DDX10: variants seen among roughly 807,000 people sequenced by gnomAD.
The protein encoded by DDX10 is probable ATP-dependent RNA helicase DDX10.
A neutral mutation model predicts 104.3 loss-of-function variants in DDX10; 74 were observed. The ratio of observed to expected loss-of-function variants is 0.71; its 90% confidence interval spans 0.59 to 0.86. The LOEUF is 0.86. Ranked by LOEUF, DDX10 falls within the 40% of genes least tolerant of loss-of-function variation. The pLI is 0.00. For synonymous variants in DDX10, 351 were observed against 353.4 expected, an observed-to-expected ratio of 0.99 and a Z score of 0.08; for missense variants, 952 against 1,040.0, an observed-to-expected ratio of 0.92 and a Z score of 1.16.
chr11:108,748,773 T>C (rs1419702886), intron 13 of DDX10, among the ~76,000 whole-genome samples: 1 of 152,144 alleles, frequency 6.6e-6, no homozygotes, highest in Non-Finnish European at 1.5e-5. Context: ...CATGAACTCC[T>C]GAGCTCAAGT....
chr11:108,836,609 CCT>C (rs1862558751), intron 13 of DDX10, among the ~76,000 whole-genome samples: 2 of 152,142 alleles, frequency 1.3e-5, no homozygotes, highest in Non-Finnish European at 2.9e-5. Context: ...GCCTCAGCCT[CCT>C]GAGTAGCTGG....
At chr11:108,894,657 A>T (rs1429736038) in intron 16 of DDX10, among the ~76,000 whole-genome samples, 1 of 152,058 alleles carries the variant, frequency 6.6e-6, no homozygotes, top group Non-Finnish European at 1.5e-5. Context: ...AAGTCAATAG[A>T]ATTCAAAATG....
At chr11:108,722,645 G>A (rs2094299696) in intron 12 of DDX10, among the ~76,000 whole-genome samples, 1 of 152,150 alleles carries the variant, frequency 6.6e-6, no homozygotes, top group African/African-American at 2.4e-5. Context: ...GTTAGGCCTG[G>A]CAGGTACTGT....
chr11:108,722,871 T>C, intron 12 of DDX10, 126 bp from the exon 13 acceptor site: 2 of 1,386,594 alleles, frequency 1.4e-6, no homozygotes, highest in Non-Finnish European at 1.9e-6. Context: ...TATTGAGTTG[T>C]ATCTCACAGG....
At chr11:108,812,880 G>A (rs1222851750) in intron 13 of DDX10, among the ~76,000 whole-genome samples, 1 of 149,376 alleles carries the variant, frequency 6.7e-6, no homozygotes, top group African/African-American at 2.5e-5. Flanking sequence ...TACTCAGGAG[G>A]CTGAGGCAGG....
At chr11:108,893,779 T>C (rs1863406101) in intron 16 of DDX10, among the ~76,000 whole-genome samples, 1 of 152,082 alleles carries the variant, frequency 6.6e-6, no homozygotes, top group African/African-American at 2.4e-5. Flanking sequence ...GGAGCATTGA[T>C]TGCTAAACAG....
At chr11:108,777,878 C>G (rs1362958668) in intron 13 of DDX10, among the ~76,000 whole-genome samples, 1 of 152,174 alleles carries the variant, frequency 6.6e-6, no homozygotes, top group Non-Finnish European at 1.5e-5. Context: ...GCAAAAATCA[C>G]AAGCATTCCT....
chr11:108,905,370 T>C (rs1863581850), intron 16 of DDX10, among the ~76,000 whole-genome samples: 1 of 48,452 alleles, frequency 2.1e-5, no homozygotes, highest in Non-Finnish European at 4.7e-5. Context: ...TTCCTCTATA[T>C]ATGTTTTTTA....
chr11:108,687,270 CT>C (rs1291752236), intron 6 of DDX10, among the ~76,000 whole-genome samples: 1 of 152,096 alleles, frequency 6.6e-6, no homozygotes, highest in Non-Finnish European at 1.5e-5. Flanking sequence ...TTTTAATTAA[CT>C]TTTGCCTGTT....
At chr11:108,788,673 A>AT (rs1861829376) in intron 13 of DDX10, among the ~76,000 whole-genome samples, 1 of 152,160 alleles carries the variant, frequency 6.6e-6, no homozygotes, top group Non-Finnish European at 1.5e-5. Context: ...CTGTAGCTAG[A>AT]TTTTTAAAAG....
chr11:108,895,085 T>G (rs1398702766), intron 16 of DDX10, among the ~76,000 whole-genome samples: 3 of 152,184 alleles, frequency 2.0e-5, no homozygotes, highest in African/African-American at 7.2e-5. Context: ...TTGAAATATC[T>G]GCTGTGATTT....
chr11:108,770,214 G>A (rs2094361240), intron 13 of DDX10, among the ~76,000 whole-genome samples: 1 of 152,262 alleles, frequency 6.6e-6, no homozygotes, highest in Admixed American at 6.5e-5. Context: ...TTTGATACAG[G>A]CATGTAATGT....
intron 10 of DDX10, among the ~76,000 whole-genome samples, chr11:108,715,205 A>G (rs2094289858): frequency 6.6e-6 from 1 of 152,136 alleles, no homozygotes; most frequent in African/African-American, 2.4e-5. Flanking sequence ...TTTGACTGAA[A>G]CAGAAACATT....
At chr11:108,774,134 T>A (rs1282940315) in intron 13 of DDX10, among the ~76,000 whole-genome samples, 1 of 152,260 alleles carries the variant, frequency 6.6e-6, no homozygotes, top group Non-Finnish European at 1.5e-5. Flanking sequence ...GTTGTCTTAC[T>A]TGTTACCAGT....
intron 6 of DDX10, among the ~76,000 whole-genome samples, chr11:108,684,212 CT>C (rs369102046): frequency 0.17 from 10,523 of 60,204 alleles, 816 homozygotes; most frequent in East Asian, 0.33. Context: ...TTATTATACT[CT>C]TAAGTTTTAG....
intron 13 of DDX10, among the ~76,000 whole-genome samples, chr11:108,746,535 T>C (rs1287889552): frequency 6.6e-6 from 1 of 151,872 alleles, no homozygotes; most frequent in Admixed American, 6.6e-5. Flanking sequence ...GTGGACATAA[T>C]TATTCATTTC....
intron 17 of DDX10, chr11:108,929,769 A>G (rs1039627435): frequency 6.6e-6 from 1 of 152,136 alleles, no homozygotes; most frequent in African/African-American, 2.4e-5. Flanking sequence ...AGAAAAATCT[A>G]ATGTGTTTTT....
intron 16 of DDX10, among the ~76,000 whole-genome samples, chr11:108,871,943 A>C (rs958478236): frequency 6.7e-6 from 1 of 149,586 alleles, no homozygotes; most frequent in Non-Finnish European, 1.5e-5. Flanking sequence ...AAAAAAAATT[A>C]AGCTTTGATA....
intron 13 of DDX10, among the ~76,000 whole-genome samples, chr11:108,836,103 A>G (rs1319776148): frequency 6.6e-6 from 1 of 152,192 alleles, no homozygotes; most frequent in Admixed American, 6.5e-5. Context: ...TCCAGACCCT[A>G]TTCTCCAGCC....
Sources: allele counts gnomAD v4.1 joint callset (sites outside exome capture counted in the v4.1 genomes callset), GRCh38; gene constraint gnomAD v4.1.1; transcripts MANE v1.5; gene names NCBI Gene and HGNC (gene_info 2026-07-23, HGNC 2026-07-21).